The following SYNE3 variants were observed in gnomAD, a reference collection of about 807,000 sequenced individuals.
The protein encoded by SYNE3 is spectrin repeat containing nuclear envelope family member 3, also known as nesprin-3.
In SYNE3, 100 loss-of-function variants were observed where a neutral mutation model predicts 111.2. The observed-to-expected ratio is 0.90, with a 90% CI of 0.77 to 1.06. The LOEUF (loss-of-function observed/expected upper bound fraction) is 1.06, where lower values mean the gene tolerates loss of function less well. Ranked by LOEUF, SYNE3 falls within the 50% of genes least tolerant of loss-of-function variation. The pLI is 0.00. For missense variants in SYNE3, 1,160 were observed against 1,240.3 expected (o/e 0.94, Z 0.97); for synonymous variants, 547 against 533.9 (o/e 1.02, Z -0.34).
rs1007364101 is a variant in SYNE3, at chr14:95,485,161, G to A, written c.-14-9326C>T. On this transcript the variant is annotated intron_variant, in intron 1 of 17. Transcript: ENST00000682763. The surrounding 1 kb of genome is among the most constrained non-coding windows in gnomAD (Gnocchi z 4.3). ...GCAAATTCATCCACACGGTGGGAGG[G>A]CGGTTGGGGCTGGGTCCTATTAGCT... is the stretch of plus-strand genomic sequence containing the variant. 1.3e-5 allele frequency among the ~76,000 whole-genome samples: 2 copies of A among 152,132 alleles called. No individual in the cohort carries two copies. Among genetic ancestry groups the A allele is most frequent in the African/African-American group, 4.8e-5 (2 of 41,422 alleles).
At position 95,466,002 on chromosome 14, in the gene SYNE3, C is replaced by A; in HGVS notation, c.556G>T (p.Asp186Tyr). 2 of 1,610,692 alleles carry A rather than the reference C, an allele frequency of 1.2e-6. No individual in the cohort carries two copies. The highest frequency in any genetic ancestry group is 1.1e-5 in the South Asian group (1 of 90,946). Reference sequence around the variant, plus strand: ...TGGGCATCTTCGTCCACGCTGGGGTCCCCGATCCTGTTGAACAGGGAGGCT... The same window carrying A: ...TGGGCATCTTCGTCCACGCTGGGGTACCCGATCCTGTTGAACAGGGAGGCT... ...EAASLFNRIG[D>Y]PSVDEDAQKR... The change falls in exon 4 of 18, where the codon GAC becomes TAC. Residue 186 changes from aspartate (D) to tyrosine (Y), a missense_variant. Physicochemically the swap from Asp to Tyr is radical, Grantham distance 160 (BLOSUM62 -3). Coordinates refer to ENST00000682763, the MANE Select transcript of SYNE3 (RefSeq NM_152592.6).
At chr14:95,484,629 C>G (rs1889447116) in intron 1 of SYNE3, among the ~76,000 whole-genome samples, 1 of 152,218 alleles carries the variant, frequency 6.6e-6, no homozygotes, top group Non-Finnish European at 1.5e-5. Flanking sequence ...GGGGTTGGTA[C>G]TGGCTTTTCA....
intron 1 of SYNE3, among the ~76,000 whole-genome samples, chr14:95,484,929 T>TG (rs1186854385): frequency 6.6e-6 from 1 of 152,202 alleles, no homozygotes; most frequent in African/African-American, 2.4e-5. Context: ...CAGAGACACC[T>TG]GGGGGTCTTG....
At chr14:95,508,094 G>C (rs1890593340) in intron 1 of SYNE3, among the ~76,000 whole-genome samples, 1 of 152,222 alleles carries the variant, frequency 6.6e-6, no homozygotes, top group Admixed American at 6.5e-5. Context: ...GGCCAGTGTA[G>C]CCTGGGAGTT....
chr14:95,439,251 G>T (rs988453927), intron 13 of SYNE3, 89 bp from the exon 14 acceptor site: 132 of 1,574,524 alleles, frequency 8.4e-5, no homozygotes, highest in Non-Finnish European at 1.0e-4. Flanking sequence ...GGGAACCACG[G>T]GTCACGAGTC....
intron 1 of SYNE3, among the ~76,000 whole-genome samples, chr14:95,484,777 A>G (rs1889454188): frequency 6.6e-6 from 1 of 152,250 alleles, no homozygotes; most frequent in East Asian, 1.9e-4. Context: ...ATACTGTTTC[A>G]TGAGACTGTT....
intron 1 of SYNE3, among the ~76,000 whole-genome samples, chr14:95,506,757 T>C (rs910750414): frequency 1.3e-5 from 2 of 152,174 alleles, no homozygotes; most frequent in African/African-American, 2.4e-5. Context: ...ACATCTGTTA[T>C]CTCATATGAG....
chr14:95,441,033 T>C lies in SYNE3; in HGVS notation c.1912-958A>G, dbSNP rs114651246. Among the ~76,000 whole-genome samples the C allele has an allele frequency of 4.6e-3, 707 of 152,332 alleles. 4 individuals are homozygous for C. Among genetic ancestry groups the C allele is most frequent in the African/African-American group, 0.016 (671 of 41,576 alleles). On this transcript the variant is annotated intron_variant, in intron 11 of 17. Coordinates refer to ENST00000682763, the MANE Select transcript of SYNE3 (RefSeq NM_152592.6). The stretch of plus-strand genomic sequence containing the variant: ...CAGAAGGGCAGCCATTCTCTATGCC[T>C]CTGGCCACCCAGCCTGAGACCCTTG...
At position 95,412,622 on chromosome 14, in the gene SYNE3, CA is replaced by C. The variant is rs777140089; in HGVS notation, c.*5203del. ...CTGGGTTTTATTTTTTTAGAGGCCACAGCTGGCAGGCTCCTGGCCTCCCCTG... is the reference window on the plus strand; with the variant it reads ...CTGGGTTTTATTTTTTTAGAGGCCACGCTGGCAGGCTCCTGGCCTCCCCTG... On this transcript the variant is annotated 3_prime_UTR_variant, in exon 18 of 18. Transcript: ENST00000682763. 6.6e-6 allele frequency: 1 copy of C among 152,222 alleles called. No individual in the cohort carries two copies. The highest frequency in any genetic ancestry group is 1.5e-5 in the Non-Finnish European group (1 of 68,040). The allele number at this position is 152,222 out of a possible 1,614,324, so 9.4% of individuals were successfully genotyped here. A position where few individuals can be genotyped will look rare whatever the true frequency, so the allele number is the denominator to read the frequency against.
chr14:95,447,543 G>C (rs945024153), intron 8 of SYNE3, among the ~76,000 whole-genome samples: 1 of 152,204 alleles, frequency 6.6e-6, no homozygotes, highest in African/African-American at 2.4e-5. Context: ...GAAGAAGGCA[G>C]TACTGAAGAC....
intron 15 of SYNE3, among the ~76,000 whole-genome samples, chr14:95,434,687 C>T (rs1490750426): frequency 2.0e-5 from 3 of 152,158 alleles, no homozygotes; most frequent in East Asian, 1.9e-4. Flanking sequence ...GACAGAGTTT[C>T]GCTCTTGTTG....
At chr14:95,496,046 G>A (rs762503712) in intron 1 of SYNE3, among the ~76,000 whole-genome samples, 1 of 152,210 alleles carries the variant, frequency 6.6e-6, no homozygotes, top group Non-Finnish European at 1.5e-5. Flanking sequence ...CAGAGGGGCC[G>A]GGAGAAGATG....
intron 1 of SYNE3, chr14:95,516,064 C>G (rs1280805074): frequency 6.6e-6 from 1 of 152,332 alleles, no homozygotes; most frequent in Non-Finnish European, 1.5e-5. Context: ...AGCTGCTTGC[C>G]AAGTTTGCAT....
intron 4 of SYNE3, among the ~76,000 whole-genome samples, chr14:95,459,828 T>A (rs1887678616): frequency 6.6e-6 from 1 of 152,126 alleles, no homozygotes; most frequent in Non-Finnish European, 1.5e-5. Context: ...CTGGGCATGG[T>A]GGCTCGTGTC....
At chr14:95,449,092 CAGT>C (rs1180210766) in intron 8 of SYNE3, among the ~76,000 whole-genome samples, 3 of 152,152 alleles carry the variant, frequency 2.0e-5, no homozygotes, top group Non-Finnish European at 4.4e-5. Flanking sequence ...ATGCCAGAGA[CAGT>C]ATGTACAGGC....
chr14:95,498,121 A>T (rs1180383259), intron 1 of SYNE3, among the ~76,000 whole-genome samples: 2 of 152,088 alleles, frequency 1.3e-5, no homozygotes. Flanking sequence ...TGGTATTAAC[A>T]ATTTTTTTTA....
intron 1 of SYNE3, among the ~76,000 whole-genome samples, chr14:95,495,346 G>A (rs1248909054): frequency 6.6e-6 from 1 of 152,218 alleles, no homozygotes; most frequent in Non-Finnish European, 1.5e-5. Context: ...TCTCCTGCCT[G>A]CTGCTACCCT....
chr14:95,481,587 A>C (rs2144813), intron 1 of SYNE3, among the ~76,000 whole-genome samples: 1 of 152,002 alleles, frequency 6.6e-6, no homozygotes, highest in Non-Finnish European at 1.5e-5. Context: ...CTGTCAGAGA[A>C]ACCCCCAGCC....
chr14:95,447,611 G>A (rs908179000), intron 8 of SYNE3, among the ~76,000 whole-genome samples: 4 of 152,204 alleles, frequency 2.6e-5, no homozygotes, highest in Non-Finnish European at 4.4e-5. Flanking sequence ...TGATACAGCT[G>A]TACTGGCATG....
Sources: allele counts gnomAD v4.1 joint callset (sites outside exome capture counted in the v4.1 genomes callset), GRCh38; gene constraint gnomAD v4.1.1; non-coding constraint Gnocchi (gnomAD v3.1); transcripts MANE v1.5; gene names NCBI Gene and HGNC (gene_info 2026-07-23, HGNC 2026-07-21).